The following TMEM135 variants were observed in gnomAD, a reference collection of about 807,000 sequenced individuals.
The protein encoded by TMEM135 is transmembrane protein 135.
TMEM135 carries 30 observed loss-of-function variants against 60.3 expected under a neutral mutation model. The observed-to-expected ratio is 0.50, with a 90% CI of 0.37 to 0.68. TMEM135 has a LOEUF of 0.68. TMEM135 is among the 30% of genes least tolerant of loss of function. The pLI is 0.00. For synonymous variants in TMEM135, 190 were observed against 186.7 expected, an observed-to-expected ratio of 1.02 and a Z score of -0.14; for missense variants, 468 against 548.8, an observed-to-expected ratio of 0.85 and a Z score of 1.47.
chr11:87,309,393 C>G (rs1942603669), intron 9 of TMEM135, 112 bp from the exon 10 acceptor site: 1 of 1,104,390 alleles, frequency 9.1e-7, no homozygotes, highest in Non-Finnish European at 1.4e-6. Context: ...GTGCTATAAA[C>G]TTAGATTAAA....
chr11:87,094,051 A>G (rs994099479), intron 4 of TMEM135, among the ~76,000 whole-genome samples: 1 of 152,130 alleles, frequency 6.6e-6, no homozygotes, highest in African/African-American at 2.4e-5. Context: ...ATTTTATATT[A>G]TAATTTTCTT....
Position 87,128,249 on chromosome 11 carries a change from A to G in TMEM135, c.397-29092A>G, listed in dbSNP as rs577865713. On this transcript the variant is annotated intron_variant, in intron 4 of 14. Coordinates refer to ENST00000305494, the MANE Select transcript of TMEM135 (RefSeq NM_022918.4). ...TTTTCCTAGTCTTAATTGTGCCTGTATATGCATGTATGTTAGCATGTATGA... is the reference window on the plus strand; with the variant it reads ...TTTTCCTAGTCTTAATTGTGCCTGTGTATGCATGTATGTTAGCATGTATGA... Among the ~76,000 whole-genome samples, 10 of 152,296 alleles carry G rather than the reference A, an allele frequency of 6.6e-5. No homozygotes were observed. In the South Asian group the frequency reaches 2.1e-3, roughly 32 times the overall value.
intron 6 of TMEM135, among the ~76,000 whole-genome samples, chr11:87,276,189 T>G (rs1487787697): frequency 6.6e-6 from 1 of 152,174 alleles, no homozygotes; most frequent in Non-Finnish European, 1.5e-5. Context: ...TTTTGAGATT[T>G]TTATAACTCT....
At chr11:87,319,492 A>G (rs1942786987) in intron 14 of TMEM135, 115 bp downstream of exon 14, 3 of 745,030 alleles carry the variant, frequency 4.0e-6, no homozygotes, top group Non-Finnish European at 6.8e-6. Context: ...GAGTAACTTA[A>G]CTAAGAATAA....
At chr11:87,187,313 A>G (rs1376475564) in intron 5 of TMEM135, among the ~76,000 whole-genome samples, 1 of 152,206 alleles carries the variant, frequency 6.6e-6, no homozygotes, top group Non-Finnish European at 1.5e-5. Context: ...TATGTGTACT[A>G]AGTTGACCAT....
At chr11:87,301,813 T>A (rs1942455405) in intron 7 of TMEM135, among the ~76,000 whole-genome samples, 1 of 152,212 alleles carries the variant, frequency 6.6e-6, no homozygotes, top group Non-Finnish European at 1.5e-5. Context: ...ATAGGAATAT[T>A]ATTTTCTAGA....
rs551207592 is a variant in TMEM135, at chr11:87,104,785, C to T, written c.396+13390C>T. On this transcript the variant is annotated intron_variant, in intron 4 of 14. Coordinates refer to ENST00000305494, the MANE Select transcript of TMEM135 (RefSeq NM_022918.4). ...GTTGACACTGTGTCCTGCAACCGTA[C>T]GGAATTTATTTATCAGTTCCAACAG... Among the ~76,000 whole-genome samples, 78 of 152,090 alleles carry T rather than the reference C, an allele frequency of 5.1e-4. 1 individual carries two copies. In the Middle Eastern group the frequency reaches 0.014, roughly 27 times the overall value.
intron 6 of TMEM135, chr11:87,258,828 C>G (rs11235052): frequency 0.36 from 247,577 of 685,404 alleles, 48,300 homozygotes; most frequent in Non-Finnish European, 0.42. Context: ...ACGGAGACAG[C>G]TCATATACGG....
chr11:87,208,874 G>A (rs1315453156), intron 5 of TMEM135, among the ~76,000 whole-genome samples: 1 of 152,120 alleles, frequency 6.6e-6, no homozygotes, highest in Admixed American at 6.5e-5. Context: ...CCTTTCAGGA[G>A]GAACCTTACA....
At chr11:87,276,724 G>A (rs1015242409) in intron 6 of TMEM135, among the ~76,000 whole-genome samples, 15 of 134,696 alleles carry the variant, frequency 1.1e-4, no homozygotes, top group African/African-American at 3.6e-4. Context: ...GCTGTATCGC[G>A]GTAGCGTGAT....
chr11:87,290,730 T>C (rs1328507303), intron 6 of TMEM135, among the ~76,000 whole-genome samples: 2 of 152,184 alleles, frequency 1.3e-5, no homozygotes, highest in Non-Finnish European at 2.9e-5. Context: ...ACTAAGTTCT[T>C]TGATATTATT....
intron 3 of TMEM135, among the ~76,000 whole-genome samples, chr11:87,090,136 G>T (rs919794960): frequency 7.9e-5 from 12 of 151,942 alleles, no homozygotes; most frequent in African/African-American, 2.9e-4. Flanking sequence ...TGGCACTGTG[G>T]GTCCTATATC....
At chr11:87,277,339 C>A in intron 6 of TMEM135, 1 of 357,058 alleles carries the variant, frequency 2.8e-6, no homozygotes, top group Non-Finnish European at 5.7e-6. Context: ...CCATGTTAGC[C>A]AGGCTGGTCT....
intron 10 of TMEM135, among the ~76,000 whole-genome samples, chr11:87,310,673 A>G (rs1590863888): frequency 6.6e-6 from 1 of 151,838 alleles, no homozygotes; most frequent in Non-Finnish European, 1.5e-5. Flanking sequence ...CAGAGGAATG[A>G]CCATGTGAGG....
chr11:87,328,072 CAAGTT>C lies in TMEM135; in HGVS notation c.*6740_*6744del, dbSNP rs1250445043. ...TTCTCTAGATATTCCTTAATCCAGT[CAAGTT>C]GATGCCTAAAATTAACCATCACAGG... On this transcript the variant is annotated 3_prime_UTR_variant, in exon 15 of 15. Transcript: ENST00000305494. The C allele has an allele frequency of 4.4e-6, 2 of 453,950 alleles. No homozygotes were observed. Among genetic ancestry groups the C allele is most frequent in the African/African-American group, 4.0e-5 (2 of 49,984 alleles). The allele number at this position is 453,950 out of a possible 1,614,324, so 28.1% of individuals were successfully genotyped here. A position where few individuals can be genotyped will look rare whatever the true frequency, so the allele number is the denominator to read the frequency against.
At chr11:87,163,643 C>T (rs1459820304) in intron 5 of TMEM135, among the ~76,000 whole-genome samples, 4 of 151,876 alleles carry the variant, frequency 2.6e-5, no homozygotes, top group African/African-American at 7.3e-5. Flanking sequence ...AACTAATTTA[C>T]AGTCCCACCA....
intron 6 of TMEM135, among the ~76,000 whole-genome samples, chr11:87,290,507 A>G (rs1356877007): frequency 1.3e-5 from 2 of 152,170 alleles, no homozygotes; most frequent in Non-Finnish European, 2.9e-5. Context: ...TGCTGGTACA[A>G]TGTAATAAAG....
chr11:87,233,714 T>C (rs1045535370), intron 5 of TMEM135, among the ~76,000 whole-genome samples: 1 of 152,054 alleles, frequency 6.6e-6, no homozygotes, highest in Non-Finnish European at 1.5e-5. Flanking sequence ...TATTTAAATA[T>C]CCTATCTAGC....
At chr11:87,294,487 G>A (rs1477741272) in intron 6 of TMEM135, among the ~76,000 whole-genome samples, 2 of 152,160 alleles carry the variant, frequency 1.3e-5, no homozygotes, top group Non-Finnish European at 2.9e-5. Context: ...GGGTTCAAGC[G>A]ATTCTCCAGC....
Sources: gnomAD v4.1 joint callset for allele counts (sites outside exome capture counted in the v4.1 genomes callset) on GRCh38, gnomAD v4.1.1 for gene constraint, MANE v1.5 for transcripts, NCBI Gene and HGNC (gene_info 2026-07-23, HGNC 2026-07-21) for gene names.